ARHGEF4: variants seen among roughly 807,000 people sequenced by gnomAD.
The protein encoded by ARHGEF4 is APC-stimulated guanine nucleotide exchange factor 1.
A neutral mutation model predicts 162.0 loss-of-function variants in ARHGEF4; 119 were observed. The observed-to-expected ratio is 0.73, with a 90% CI of 0.63 to 0.86. ARHGEF4 has a LOEUF of 0.86. ARHGEF4 is among the 40% of genes least tolerant of loss of function. The pLI is 0.00. For synonymous variants in ARHGEF4, 1,014 were observed against 979.9 expected (o/e 1.03, Z -0.65); for missense variants, 2,488 against 2,456.0 (o/e 1.01, Z -0.28).
chr2:130,947,685 T>C (rs1304097830), intron 4 of ARHGEF4, among the ~76,000 whole-genome samples: 1 of 152,122 alleles, frequency 6.6e-6, no homozygotes, highest in African/African-American at 2.4e-5. Flanking sequence ...GCTTTCTGTG[T>C]TAGAAGGGAA....
intron 1 of ARHGEF4, among the ~76,000 whole-genome samples, chr2:130,905,483 G>A (rs531427665): frequency 1.2e-4 from 18 of 152,270 alleles, no homozygotes; most frequent in African/African-American, 3.9e-4. Context: ...TTACTGTGGA[G>A]TTCTCATGGT....
chr2:130,876,103 C>T (rs1302099301), intron 1 of ARHGEF4, among the ~76,000 whole-genome samples: 3 of 152,206 alleles, frequency 2.0e-5, no homozygotes, highest in Non-Finnish European at 4.4e-5. Flanking sequence ...TTCAGCCGCT[C>T]ATAGGGTAGG....
At chr2:131,003,574 C>T (rs1251906537) in intron 4 of ARHGEF4, among the ~76,000 whole-genome samples, 3 of 152,202 alleles carry the variant, frequency 2.0e-5, no homozygotes, top group African/African-American at 2.4e-5. Flanking sequence ...CTGGAAGCTT[C>T]TCTGTCCATA....
chr2:130,946,565 C>G lies in ARHGEF4; in HGVS notation c.3915C>G (p.Ser1305Arg). The change falls in exon 4 of 14, where the codon AGC (serine) becomes AGG (arginine). Residue 1305 changes from serine to arginine, a missense_variant. Physicochemically the swap from Ser to Arg is moderately radical, Grantham distance 110 (BLOSUM62 -1). Transcript: ENST00000409359. Reference sequence around the variant, plus strand: ...AGTCTTTGAATCTCCCTAGAAGAAGCCATCCACTCTCCCAGAGTGCTCCAA... The same window carrying G: ...AGTCTTTGAATCTCCCTAGAAGAAGGCATCCACTCTCCCAGAGTGCTCCAA... ...SPESLNLPRR[S>R]HPLSQSAPTG... 1 of 1,614,078 alleles carries G rather than the reference C, an allele frequency of 6.2e-7. No homozygotes were observed.
chr2:130,932,800 T>G (rs922575155), intron 3 of ARHGEF4, among the ~76,000 whole-genome samples: 9 of 152,224 alleles, frequency 5.9e-5, no homozygotes, highest in African/African-American at 2.2e-4. Context: ...GATTTAATTT[T>G]TGTATGGTAT....
intron 1 of ARHGEF4, among the ~76,000 whole-genome samples, chr2:130,905,222 A>T (rs1680749400): frequency 6.6e-6 from 1 of 152,218 alleles, no homozygotes; most frequent in African/African-American, 2.4e-5. Context: ...TTATAAATTA[A>T]GTTTTTAATG....
chr2:130,993,454 CT>C (rs1377624474), intron 4 of ARHGEF4, among the ~76,000 whole-genome samples: 1 of 151,892 alleles, frequency 6.6e-6, no homozygotes, highest in African/African-American at 2.4e-5. Flanking sequence ...GTATTTTCTT[CT>C]TGTTGGGTGC....
At chr2:131,045,473 C>T (rs996913987) in intron 13 of ARHGEF4, 27 bp downstream of exon 13, 9 of 1,613,440 alleles carry the variant, frequency 5.6e-6, no homozygotes, top group South Asian at 2.2e-5. Context: ...CCCACCTCCT[C>T]GGCTGCCCGG....
intron 4 of ARHGEF4, among the ~76,000 whole-genome samples, chr2:130,999,283 T>C (rs1284133309): frequency 6.6e-6 from 1 of 151,374 alleles, no homozygotes; most frequent in African/African-American, 2.4e-5. Context: ...GCCTTCCAAC[T>C]AGCTGGGACT....
At chr2:130,925,049 T>TGTGTGC (rs1682154430) in intron 2 of ARHGEF4, among the ~76,000 whole-genome samples, 1 of 103,778 alleles carries the variant, frequency 9.6e-6, no homozygotes, top group Non-Finnish European at 2.1e-5. Flanking sequence ...TGTGTGTGTG[T>TGTGTGC]GTGTGTGTGT....
At chr2:130,859,319 C>T (rs1026684714) in intron 1 of ARHGEF4, among the ~76,000 whole-genome samples, 1 of 64,032 alleles carries the variant, frequency 1.6e-5, no homozygotes, top group Non-Finnish European at 4.1e-5. Context: ...ACTCAGGAAG[C>T]GGAGGTTGCA....
chr2:131,030,220 A>G lies in ARHGEF4; in HGVS notation c.4125+2136A>G, dbSNP rs559054309. ...TGAGGATAAAATTATGGATTGTCAC[A>G]TCTTGCTGCTGGCGAAGAGGTGTTT... is the stretch of plus-strand genomic sequence containing the variant. On this transcript the variant is annotated intron_variant, in intron 5 of 13. Transcript: ENST00000409359. Among the ~76,000 whole-genome samples, 10 of 141,170 alleles carry G rather than the reference A, an allele frequency of 7.1e-5. No homozygotes were observed. The East Asian group carries it at 1.7e-3, about 24-fold the overall frequency. 92.6% of individuals were successfully genotyped at this position (141,170 alleles called of 152,430 possible). A position where few individuals can be genotyped will look rare whatever the true frequency, so the allele number is the denominator to read the frequency against.
At chr2:130,958,066 G>C (rs1684403479) in intron 4 of ARHGEF4, among the ~76,000 whole-genome samples, 1 of 151,380 alleles carries the variant, frequency 6.6e-6, no homozygotes. Context: ...GGCTCAGTAT[G>C]CTCAGCTTGC....
At chr2:130,892,470 G>T (rs967408694) in intron 1 of ARHGEF4, among the ~76,000 whole-genome samples, 5 of 152,164 alleles carry the variant, frequency 3.3e-5, no homozygotes, top group Non-Finnish European at 7.3e-5. Flanking sequence ...TTACCAACTG[G>T]TTATAAATCA....
rs181363725 is a variant in ARHGEF4, at chr2:130,913,999, G to A, written c.53G>A (p.Gly18Asp). ...TTGCCCTCCCAGACTCCAGAGCCAG[G>A]TGCACACCTGCCAGGTGAAGGTGAG... is the stretch of plus-strand genomic sequence containing the variant. ...LRSFFKTPEP[G>D]AHLPGEGEIE... Residue 18 changes from glycine (G) to aspartate (D), a missense_variant, in exon 2 of 14, where the codon GGT (glycine) becomes GAT (aspartate). This residue lies in a region of ARHGEF4 where 171 missense variants were observed against 169.4 expected (regional missense o/e 1.01). Coordinates refer to ENST00000409359, the MANE Select transcript of ARHGEF4 (RefSeq NM_001367493.1). The A allele has an allele frequency of 1.5e-5, 23 of 1,535,970 alleles. No individual in the cohort carries two copies. Among genetic ancestry groups the A allele is most frequent in the Admixed American group, 7.8e-5 (4 of 50,984 alleles).
chr2:130,932,137 A>G (rs529783363), intron 3 of ARHGEF4, among the ~76,000 whole-genome samples: 62 of 152,284 alleles, frequency 4.1e-4, no homozygotes, highest in African/African-American at 1.5e-3. Flanking sequence ...GATTTTTCAT[A>G]TAAATGTAAT....
Position 131,047,029 on chromosome 2 carries a change from G to A in ARHGEF4, c.*840G>A, listed in dbSNP as rs547862315. The A allele has an allele frequency of 2.6e-5, 4 of 152,694 alleles. No individual in the cohort carries two copies. Among genetic ancestry groups the A allele is most frequent in the East Asian group, 3.9e-4 (2 of 5,182 alleles). The allele number at this position is 152,694 out of a possible 1,614,324, so 9.5% of individuals were successfully genotyped here. On this transcript the variant is annotated 3_prime_UTR_variant, in exon 14 of 14. Coordinates refer to ENST00000409359, the MANE Select transcript of ARHGEF4 (RefSeq NM_001367493.1). ...CGTGAGCGTGAGAAGCCATAAGAGA[G>A]AGACCGAATTCTGTGGCTCAGCACA...
At chr2:131,025,265 A>G (rs917715737) in intron 4 of ARHGEF4, among the ~76,000 whole-genome samples, 3 of 152,204 alleles carry the variant, frequency 2.0e-5, no homozygotes, top group Non-Finnish European at 2.9e-5. Flanking sequence ...GCATACTTTT[A>G]AACGATCAGA....
intron 4 of ARHGEF4, among the ~76,000 whole-genome samples, chr2:130,962,312 T>C (rs773515572): frequency 6.6e-6 from 1 of 151,686 alleles, no homozygotes; most frequent in Non-Finnish European, 1.5e-5. Context: ...AAGGCACTCT[T>C]TCCTGGAGGA....
Sources: allele counts gnomAD v4.1 joint callset (sites outside exome capture counted in the v4.1 genomes callset), GRCh38; gene constraint gnomAD v4.1.1; regional missense constraint gnomAD v4.1.1; transcripts MANE v1.5; gene names NCBI Gene and HGNC (gene_info 2026-07-23, HGNC 2026-07-21).